ADCY10: variants seen among roughly 807,000 people sequenced by gnomAD.
ADCY10 encodes the protein adenylate cyclase 10.
A neutral mutation model predicts 183.3 loss-of-function variants in ADCY10; 156 were observed. That is an observed-to-expected ratio of 0.85 (90% CI 0.75 to 0.97). The LOEUF (loss-of-function observed/expected upper bound fraction) is 0.97. Among genes scored for constraint, ADCY10 ranks in the 50% least tolerant of loss-of-function variants. The pLI is 0.00. For missense variants in ADCY10, 1,745 were observed against 1,934.3 expected, an observed-to-expected ratio of 0.90 and a Z score of 1.84; for synonymous variants, 645 against 670.0, an observed-to-expected ratio of 0.96 and a Z score of 0.58.
chr1:167,824,192 C>T lies in ADCY10; in HGVS notation c.4052+284G>A, dbSNP rs542721659. Among the ~76,000 whole-genome samples the T allele has an allele frequency of 3.9e-5, 6 of 152,140 alleles. No individual in the cohort carries two copies. The South Asian group carries it at 1.2e-3, about 32-fold the overall frequency. ...CAAAAATTAGCTGGGTGTGGTGGCA[C>T]GTTGCCTGTAATCCCAGCTACGTGG... On this transcript the variant is annotated intron_variant, in intron 28 of 32. Transcript: ENST00000367851.
At chr1:167,905,559 T>C (rs1386372468) in intron 1 of ADCY10, among the ~76,000 whole-genome samples, 1 of 152,000 alleles carries the variant, frequency 6.6e-6, no homozygotes, top group Non-Finnish European at 1.5e-5. Context: ...TGTTTCCTTT[T>C]ACCCTCTCTC....
intron 21 of ADCY10, among the ~76,000 whole-genome samples, chr1:167,844,600 C>T (rs1664870519): frequency 6.6e-6 from 1 of 152,118 alleles, no homozygotes; most frequent in African/African-American, 2.4e-5. Flanking sequence ...GTTACTTAAG[C>T]TTCCAGAACC....
chr1:167,822,258 G>A (rs1297756844), intron 29 of ADCY10, 117 bp from the exon 30 acceptor site: 48 of 795,306 alleles, frequency 6.0e-5, no homozygotes, highest in Admixed American at 5.7e-4. Context: ...ATTATTGTAT[G>A]AATCCAGAGG....
chr1:167,887,494 A>G (rs1016368094), intron 8 of ADCY10, among the ~76,000 whole-genome samples: 21 of 152,234 alleles, frequency 1.4e-4, no homozygotes, highest in African/African-American at 4.3e-4. Flanking sequence ...GAATTGAACA[A>G]TGAGAACACT....
chr1:167,880,088 A>G (rs760267830), intron 11 of ADCY10, 27 bp downstream of exon 11: 9 of 1,599,618 alleles, frequency 5.6e-6, no homozygotes, highest in Non-Finnish European at 7.7e-6. Context: ...GCAGAAAGAA[A>G]GCTGGAGATG....
At position 167,822,965 on chromosome 1, in the gene ADCY10, A is replaced by G. The variant is rs1270131972; in HGVS notation, c.4168+43T>C. The G allele has an allele frequency of 2.6e-6, 4 of 1,560,878 alleles. No homozygotes were observed. In the Admixed American group the frequency reaches 5.0e-5, roughly 20 times the overall value. ...GCTGCCACACCACACCAGCACAGGT[A>G]TCAACACCCCCAAGTTCTTTTACAT... On this transcript the variant is annotated intron_variant, in intron 29 of 32. Coordinates refer to ENST00000367851, the MANE Select transcript of ADCY10 (RefSeq NM_018417.6).
chr1:167,811,980 G>A (rs950966741), intron 31 of ADCY10, among the ~76,000 whole-genome samples: 5 of 152,180 alleles, frequency 3.3e-5, no homozygotes, highest in Non-Finnish European at 7.3e-5. Context: ...AGGCTTGGAT[G>A]GTAAACTGAG....
chr1:167,868,933 CAAGAAACTCAGAT>C (rs1449536103), intron 14 of ADCY10, among the ~76,000 whole-genome samples: 1 of 152,120 alleles, frequency 6.6e-6, no homozygotes, highest in Non-Finnish European at 1.5e-5. Context: ...TCTGGCCCGG[CAAGAAACTCAGAT>C]AAGAAATGCT....
Position 167,837,706 on chromosome 1 carries a change from CTCT to C in ADCY10, c.3008-391_3008-389del, listed in dbSNP as rs548807047. 2.9e-4 allele frequency among the ~76,000 whole-genome samples: 44 copies of C among 152,304 alleles called. 1 individual carries two copies. In the South Asian group the frequency reaches 9.1e-3, roughly 32 times the overall value. ...ATTTCATAAGGGGGAAATAATCACT[CTCT>C]TGTGTTAATCCACAGAAATGCTGGG... is the stretch of plus-strand genomic sequence containing the variant. On this transcript the variant is annotated intron_variant, in intron 21 of 32. Coordinates refer to ENST00000367851, the MANE Select transcript of ADCY10 (RefSeq NM_018417.6).
At position 167,833,250 on chromosome 1, in the gene ADCY10, A is replaced by G. The variant is rs369173745; in HGVS notation, c.3418-88T>C. The G allele has an allele frequency of 8.7e-5, 112 of 1,284,134 alleles. No homozygotes were observed. The East Asian group carries it at 2.0e-3, about 22-fold the overall frequency. The allele number at this position is 1,284,134 out of a possible 1,614,324, so 79.5% of individuals were successfully genotyped here. On this transcript the variant is annotated intron_variant, in intron 24 of 32. Coordinates refer to ENST00000367851, the MANE Select transcript of ADCY10 (RefSeq NM_018417.6). ...GGTCCCAACAATCCATATTTTGGGG[A>G]TTCTTATCAAAAAAGGTAATTTATG...
In ADCY10 at chr1:167,829,367, C is replaced by T. The variant is rs150230013; in HGVS notation, c.3650G>A (p.Arg1217His). 45 of 1,614,136 alleles carry T rather than the reference C, an allele frequency of 2.8e-5. 1 individual carries two copies. The highest frequency in any genetic ancestry group is 1.1e-4 in the South Asian group (10 of 91,076). The stretch of plus-strand genomic sequence containing the variant: ...AAAAAGATAACTGTAGCTATAGATG[C>T]GCCACAGCAAGGAAAGGCAGACAGT... ...RQTVCLSLLWRIYSYSYLFHC... is the reference protein window; with the variant it reads ...RQTVCLSLLWHIYSYSYLFHC... The change falls in exon 26 of 33, where the codon CGC (arginine) becomes CAC (histidine). Residue 1217 changes from arginine (R) to histidine (H), a missense_variant. By Grantham distance (29) the Arg-to-His change is conservative. Coordinates refer to ENST00000367851, the MANE Select transcript of ADCY10 (RefSeq NM_018417.6).
intron 31 of ADCY10, 27 bp downstream of exon 31, chr1:167,818,045 T>C (rs376905059): frequency 3.1e-6 from 5 of 1,603,862 alleles, no homozygotes; most frequent in African/African-American, 1.3e-5. Flanking sequence ...GCATATTTTA[T>C]ACTGGAAACT....
At position 167,833,969 on chromosome 1, in the gene ADCY10, C is replaced by A. The variant is rs1278001076; in HGVS notation, c.3417+1G>T. 2 of 1,611,764 alleles carry A rather than the reference C, an allele frequency of 1.2e-6. No individual in the cohort carries two copies. Among genetic ancestry groups the A allele is most frequent in the Non-Finnish European group, 1.7e-6 (2 of 1,178,078 alleles). Reference sequence around the variant, plus strand: ...AATTCAAGTCTTTAATGGTTTCTTACCTCACCTTTGAGGCTGTAAAAGGTG... The same window carrying A: ...AATTCAAGTCTTTAATGGTTTCTTAACTCACCTTTGAGGCTGTAAAAGGTG... On this transcript the variant is annotated splice_donor_variant, in intron 24 of 32. Transcript: ENST00000367851. LOFTEE classifies it high-confidence loss of function.
intron 1 of ADCY10, among the ~76,000 whole-genome samples, chr1:167,912,179 T>C (rs1333195322): frequency 1.3e-5 from 2 of 152,200 alleles, no homozygotes; most frequent in African/African-American, 4.8e-5. Context: ...AGCATTCTAT[T>C]GTAGGAGTTA....
intron 31 of ADCY10, among the ~76,000 whole-genome samples, chr1:167,816,908 ATTTTCC>A: frequency 6.6e-6 from 1 of 152,170 alleles, no homozygotes. Flanking sequence ...TAAAATAAAA[ATTTTCC>A]TTTTCTTATT....
chr1:167,824,260 T>G (rs1571223782), intron 28 of ADCY10, among the ~76,000 whole-genome samples: 1 of 151,832 alleles, frequency 6.6e-6, no homozygotes, highest in African/African-American at 2.4e-5. Flanking sequence ...AAGGCAGAGG[T>G]TGCAGTGAGC....
chr1:167,818,364 T>C, intron 30 of ADCY10, 97 bp from the exon 31 acceptor site: 1 of 1,120,422 alleles, frequency 8.9e-7, no homozygotes, highest in East Asian at 2.3e-5. Context: ...TTCCTTTACC[T>C]GGGTCTCTGG....
chr1:167,875,881 AG>A (rs2102204369), intron 12 of ADCY10, among the ~76,000 whole-genome samples: 1 of 152,090 alleles, frequency 6.6e-6, no homozygotes, highest in East Asian at 1.9e-4. Context: ...TGAACCCGGG[AG>A]GGGGAGCTTG....
At chr1:167,899,720 ACT>A in intron 5 of ADCY10, 92 bp from the exon 6 acceptor site, 1 of 1,219,912 alleles carries the variant, frequency 8.2e-7, no homozygotes. Context: ...TCTTGGTGGG[ACT>A]ATACTATCTC....
Sources: gnomAD v4.1 joint callset for allele counts (sites outside exome capture counted in the v4.1 genomes callset) on GRCh38, gnomAD v4.1.1 for gene constraint, MANE v1.5 for transcripts, NCBI Gene and HGNC (gene_info 2026-07-23, HGNC 2026-07-21) for gene names.